Variants in FSCN2 observed in about 807,000 individuals in gnomAD.
FSCN2 encodes fascin-2.
FSCN2 carries 46 observed loss-of-function variants against 37.8 expected under a neutral mutation model. The observed-to-expected ratio is 1.22, with a 90% CI of 0.96 to 1.56. FSCN2 has a LOEUF of 1.56. Among genes scored for constraint, FSCN2 ranks in the 40% most tolerant of loss-of-function variants. FSCN2 has a pLI of 0.00. For synonymous variants in FSCN2, 351 were observed against 309.4 expected, an observed-to-expected ratio of 1.13 and a Z score of -1.41; for missense variants, 844 against 730.4, an observed-to-expected ratio of 1.16 and a Z score of -1.79.
At chr17:81,532,278 AT>A (rs2032690851) in intron 1 of FSCN2, among the ~76,000 whole-genome samples, 1 of 126,850 alleles carries the variant, frequency 7.9e-6, no homozygotes, top group Admixed American at 7.9e-5. Flanking sequence ...GATGGTGGTG[AT>A]GGTGATGGTG....
In FSCN2 at chr17:81,535,317, ACCC is replaced by A. The variant is rs1568081735; in HGVS notation, c.983+112_983+114del. The A allele has an allele frequency of 4.0e-3, 1,904 of 476,624 alleles. 73 individuals carry two copies. Among genetic ancestry groups the A allele is most frequent in the African/African-American group, 0.035 (585 of 16,812 alleles). The allele number at this position is 476,624 out of a possible 1,614,324, so 29.5% of individuals were successfully genotyped here. A position where few individuals can be genotyped will look rare whatever the true frequency, so the allele number is the denominator to read the frequency against. On this transcript the variant is annotated intron_variant, in intron 2 of 4. Coordinates refer to ENST00000417245, the MANE Select transcript of FSCN2 (RefSeq NM_012418.4). ...CCCCATCTCCATCCCCACCACCCCC[ACCC>A]CCACCAGCCCCATCCCCATGACCAC...
the FSCN2 span, among the ~76,000 whole-genome samples, chr17:81,515,767 G>A: frequency 6.6e-6 from 1 of 152,266 alleles, no homozygotes; most frequent in Non-Finnish European, 1.5e-5. Flanking sequence ...AGACAGACAT[G>A]GGGGCGTGGG....
At chr17:81,521,783 A>T in the FSCN2 span, among the ~76,000 whole-genome samples, 1 of 152,166 alleles carries the variant, frequency 6.6e-6, no homozygotes, top group Non-Finnish European at 1.5e-5. Flanking sequence ...TGATGCCCTT[A>T]CTATTTTAGG....
At chr17:81,521,640 G>A in the FSCN2 span, among the ~76,000 whole-genome samples, 1 of 152,140 alleles carries the variant, frequency 6.6e-6, no homozygotes, top group Non-Finnish European at 1.5e-5. Context: ...CCAAAATGCT[G>A]GGATTACAAA....
At position 81,531,339 on chromosome 17, in the gene FSCN2, G is replaced by GTGGTGA. The variant is rs1568077181; in HGVS notation, c.826+1987_826+1988insATGGTG. On this transcript the variant is annotated intron_variant, in intron 1 of 4. Transcript: ENST00000417245. ...GGTGATGATGGTGGTGGTGGTGATG[G>GTGGTGA]TGGTGGTGATGATGGTGATGGTGAT... Among the ~76,000 whole-genome samples, 666 of 74,712 alleles carry GTGGTGA rather than the reference G, an allele frequency of 8.9e-3. 18 individuals are homozygous for GTGGTGA. The highest frequency in any genetic ancestry group is 0.022 in the African/African-American group (413 of 18,434). 49.0% of individuals were successfully genotyped at this position (74,712 alleles called of 152,430 possible). A position where few individuals can be genotyped will look rare whatever the true frequency, so the allele number is the denominator to read the frequency against.
chr17:81,520,838 G>A, the FSCN2 span, among the ~76,000 whole-genome samples: 2 of 152,236 alleles, frequency 1.3e-5, no homozygotes, highest in South Asian at 4.1e-4. Context: ...CCCTGTTCTT[G>A]CTAATTTGCT....
intron 1 of FSCN2, among the ~76,000 whole-genome samples, chr17:81,531,807 ATGATGGTGGTGG>A (rs1568078218): frequency 1.1e-5 from 1 of 93,022 alleles, no homozygotes; most frequent in African/African-American, 4.5e-5. Flanking sequence ...GATAATGGTG[ATGATGGTGGTGG>A]TGATGGTGGT....
intron 1 of FSCN2, 43 bp from the exon 2 acceptor site, chr17:81,535,009 A>T (rs954718822): frequency 6.8e-7 from 1 of 1,469,816 alleles, no homozygotes. Flanking sequence ...CCTGCTCCCT[A>T]CCCAGGAGAG....
rs796145208 is a variant in FSCN2 at position 81,532,041 on chromosome 17, A to G, written c.826+2684A>G. ...GGTGATGATAGTGATGGTGATGATG[A>G]TGGTGATGATGGTGATGGTGATGAT... On this transcript the variant is annotated intron_variant, in intron 1 of 4. Transcript: ENST00000417245. 1.5e-3 allele frequency among the ~76,000 whole-genome samples: 140 copies of G among 90,994 alleles called. 1 individual carries two copies. The Middle Eastern group carries it at 0.022, about 14-fold the overall frequency. The allele number at this position is 90,994 out of a possible 152,430, so 59.7% of individuals were successfully genotyped here.
At chr17:81,532,089 GTGA>G (rs1228690340) in intron 1 of FSCN2, among the ~76,000 whole-genome samples, 8 of 138,280 alleles carry the variant, frequency 5.8e-5, no homozygotes, top group African/African-American at 8.2e-5. Context: ...GATGGTGATG[GTGA>G]TGATGGTGAT....
rs1296032414 is a variant in FSCN2 at position 81,536,771 on chromosome 17, G to A, written c.1255G>A (p.Gly419Ser). ...YDVFHLSFSDGAYRIRGRDGG... is the reference protein window; with the variant it reads ...YDVFHLSFSDSAYRIRGRDGG... Reference sequence around the variant, plus strand: ...CGTCTTCCACCTGAGCTTCAGCGACGGCGCCTACCGGATCCGAGGTGCGTG... The same window carrying A: ...CGTCTTCCACCTGAGCTTCAGCGACAGCGCCTACCGGATCCGAGGTGCGTG... The change falls in exon 4 of 5, where the codon GGC becomes AGC. Residue 419 changes from glycine to serine, a missense_variant. Physicochemically the swap from Gly to Ser is moderately conservative, Grantham distance 56 (BLOSUM62 0). Transcript: ENST00000417245. 9 of 1,602,806 alleles carry A rather than the reference G, an allele frequency of 5.6e-6. No homozygotes were observed. The highest frequency in any genetic ancestry group is 2.2e-5 in the South Asian group (2 of 89,950).
At chr17:81,532,593 A>G (rs1184615748) in intron 1 of FSCN2, among the ~76,000 whole-genome samples, 9 of 139,072 alleles carry the variant, frequency 6.5e-5, no homozygotes, top group African/African-American at 2.5e-4. Flanking sequence ...AGTGATGGTG[A>G]TGGTGATGAT....
Position 81,528,894 on chromosome 17 carries a change from C to A in FSCN2, c.363C>A (p.Phe121Leu). ...FGGTEDQLSC[F>L]ATAVSPAELW... is the part of the protein sequence containing the mutation. The stretch of plus-strand genomic sequence containing the variant: ...GCACCGAGGACCAGCTGTCCTGCTT[C>A]GCCACAGCCGTTTCCCCGGCCGAGC... The change falls in exon 1 of 5, where the codon TTC becomes TTA. Residue 121 changes from phenylalanine (F) to leucine (L), a missense_variant. By Grantham distance (22) the Phe-to-Leu change is conservative. Coordinates refer to ENST00000417245, the MANE Select transcript of FSCN2 (RefSeq NM_012418.4). 6.3e-7 allele frequency: 1 copy of A among 1,578,838 alleles called. No homozygotes were observed. The highest frequency in any genetic ancestry group is 2.3e-5 in the East Asian group (1 of 42,980).
intron 3 of FSCN2, 151 bp from the exon 4 acceptor site, chr17:81,536,471 C>T (rs2143905029): frequency 6.6e-7 from 1 of 1,510,556 alleles, no homozygotes; most frequent in Middle Eastern, 1.8e-4. Context: ...CTGCTGGGAA[C>T]CCCCTAGGCG....
In FSCN2 at chr17:81,536,963, T is replaced by C. The variant is rs2143909027; in HGVS notation, c.1362T>C (p.Arg454=). Reference sequence around the variant, plus strand: ...CCGAGGACTTCGTCTTCGAGTTCCGTGAGCGCGGCCGCCTGGCCATCCGCG... The same window carrying C: ...CCGAGGACTTCGTCTTCGAGTTCCGCGAGCGCGGCCGCCTGGCCATCCGCG... ...ERAEDFVFEF[R]ERGRLAIRAR... is the part of the protein sequence containing the mutation. The change falls in exon 5 of 5, where the codon CGT becomes CGC. Residue 454 remains arginine, a synonymous_variant. Transcript: ENST00000417245. The C allele has an allele frequency of 6.4e-7, 1 of 1,552,948 alleles. No homozygotes were observed. Among genetic ancestry groups the C allele is most frequent in the East Asian group, 2.5e-5 (1 of 39,862 alleles).
chr17:81,534,173 C>T (rs750592867), intron 1 of FSCN2, among the ~76,000 whole-genome samples: 1 of 152,156 alleles, frequency 6.6e-6, no homozygotes, highest in Non-Finnish European at 1.5e-5. Context: ...TTGGGGCTGG[C>T]AGAAGGCAAA....
At position 81,535,038 on chromosome 17, in the gene FSCN2, TCTC is replaced by T. The variant is rs2032802389; in HGVS notation, c.827-9_827-7del. 6.6e-7 allele frequency: 1 copy of T among 1,516,716 alleles called. No homozygotes were observed. Among genetic ancestry groups the T allele is most frequent in the Admixed American group, 2.1e-5 (1 of 48,406 alleles). 94.0% of individuals were successfully genotyped at this position (1,516,716 alleles called of 1,614,324 possible). On this transcript the variant is annotated splice_polypyrimidine_tract_variant and intron_variant, in intron 1 of 4. Transcript: ENST00000417245. ...AGGAGAGGCGTGAGGGGCTTCCCCATCTCCTCCCTCCAGGGGTCAACGTCTCAG... is the reference window on the plus strand; with the variant it reads ...AGGAGAGGCGTGAGGGGCTTCCCCATCTCCCTCCAGGGGTCAACGTCTCAG...
upstream of FSCN2, among the ~76,000 whole-genome samples, chr17:81,524,893 T>TCTCACACACACA (rs1555669868): frequency 1.6e-5 from 2 of 122,712 alleles, no homozygotes; most frequent in African/African-American, 5.6e-5. Flanking sequence ...ATGAGCACCT[T>TCTCACACACACA]CACACACACA....
At position 81,529,094 on chromosome 17, in the gene FSCN2, C is replaced by A; in HGVS notation, c.563C>A (p.Ser188Tyr). The A allele has an allele frequency of 6.3e-7, 1 of 1,588,390 alleles. No individual in the cohort carries two copies. Among genetic ancestry groups the A allele is most frequent in the Non-Finnish European group, 8.6e-7 (1 of 1,169,316 alleles). Residue 188 changes from serine to tyrosine, a missense_variant, in exon 1 of 5, where the codon TCC becomes TAC. By Grantham distance (144) the Ser-to-Tyr change is moderately radical. Coordinates refer to ENST00000417245, the MANE Select transcript of FSCN2 (RefSeq NM_012418.4). ...CGGAGCCGACGGTACTGCCTCAAGTCCTGTGACAGCCGCTACCTGCGCAGC... is the reference window on the plus strand; with the variant it reads ...CGGAGCCGACGGTACTGCCTCAAGTACTGTGACAGCCGCTACCTGCGCAGC... ...IFRSRRYCLK[S>Y]CDSRYLRSDG... is the part of the protein sequence containing the mutation.
Sources: gnomAD v4.1 joint callset for allele counts (sites outside exome capture counted in the v4.1 genomes callset) on GRCh38, gnomAD v4.1.1 for gene constraint, MANE v1.5 for transcripts, NCBI Gene and HGNC (gene_info 2026-07-23, HGNC 2026-07-21) for gene names.